The following LRRTM3 variants were observed in gnomAD, a reference collection of about 807,000 sequenced individuals.
LRRTM3 encodes the protein leucine-rich repeat transmembrane neuronal protein 3.
LRRTM3 carries 24 observed loss-of-function variants against 44.7 expected under a neutral mutation model. The observed-to-expected ratio is 0.54, with a 90% CI of 0.39 to 0.76. The LOEUF (loss-of-function observed/expected upper bound fraction) is 0.76, where lower values mean the gene tolerates loss of function less well. Among genes scored for constraint, LRRTM3 ranks in the 30% least tolerant of loss-of-function variants. The pLI is 0.00. For synonymous variants in LRRTM3, 277 were observed against 278.7 expected (o/e 0.99, Z 0.06); for missense variants, 587 against 702.2 (o/e 0.84, Z 1.85).
At chr10:67,003,420 T>C (rs946816933) in intron 2 of LRRTM3, among the ~76,000 whole-genome samples, 4 of 152,244 alleles carry the variant, frequency 2.6e-5, no homozygotes, top group South Asian at 4.2e-4. Flanking sequence ...TCCAAGTATT[T>C]CAGTCTTAGG....
chr10:67,054,053 C>A (rs931127419), intron 2 of LRRTM3, among the ~76,000 whole-genome samples: 4 of 152,106 alleles, frequency 2.6e-5, no homozygotes, highest in African/African-American at 9.7e-5. Context: ...TCCATCTTTG[C>A]AGATTACAGA....
At chr10:66,926,888 G>C in intron 1 of LRRTM3, 33 bp from the exon 2 acceptor site, 1 of 1,520,562 alleles carries the variant, frequency 6.6e-7, no homozygotes, top group Non-Finnish European at 8.8e-7. Context: ...CTTTTTTGGG[G>C]GGATAACTTT....
intron 2 of LRRTM3, among the ~76,000 whole-genome samples, chr10:66,961,607 A>G (rs987922994): frequency 6.6e-6 from 1 of 152,070 alleles, no homozygotes; most frequent in Non-Finnish European, 1.5e-5. Context: ...TAGTGATTTC[A>G]TCAATACTAC....
chr10:66,994,829 T>C (rs766642487), intron 2 of LRRTM3, among the ~76,000 whole-genome samples: 1 of 152,190 alleles, frequency 6.6e-6, no homozygotes, highest in Admixed American at 6.5e-5. Context: ...TTTGAGAATT[T>C]CTATACATTG....
At chr10:66,930,713 C>T (rs990446906) in intron 2 of LRRTM3, among the ~76,000 whole-genome samples, 5 of 152,072 alleles carry the variant, frequency 3.3e-5, no homozygotes, top group African/African-American at 9.7e-5. Flanking sequence ...TTCAAAGCTA[C>T]TTGGAATATA....
chr10:66,935,707 A>G (rs574454890), intron 2 of LRRTM3, among the ~76,000 whole-genome samples: 10 of 152,090 alleles, frequency 6.6e-5, no homozygotes, highest in African/African-American at 1.7e-4. Context: ...TTGAGTCCTT[A>G]TTATGTACCA....
chr10:67,037,292 C>T (rs191179480), intron 2 of LRRTM3, among the ~76,000 whole-genome samples: 20 of 151,548 alleles, frequency 1.3e-4, no homozygotes, highest in African/African-American at 4.4e-4. Flanking sequence ...GCCATCCTTT[C>T]TCTTCTTTCA....
At chr10:66,980,975 C>T (rs1033485194) in intron 2 of LRRTM3, among the ~76,000 whole-genome samples, 3 of 152,006 alleles carry the variant, frequency 2.0e-5, no homozygotes, top group East Asian at 3.9e-4. Flanking sequence ...GGTGTGATTT[C>T]GGCTCACCCC....
chr10:66,943,077 GGCT>G (rs1189764240), intron 2 of LRRTM3, among the ~76,000 whole-genome samples: 2 of 152,152 alleles, frequency 1.3e-5, no homozygotes, highest in Non-Finnish European at 2.9e-5. Context: ...TTAATTGACT[GGCT>G]TTGGAAATTT....
intron 2 of LRRTM3, among the ~76,000 whole-genome samples, chr10:67,017,353 G>C: frequency 6.6e-6 from 1 of 152,322 alleles, no homozygotes; most frequent in Middle Eastern, 3.4e-3. Flanking sequence ...GAGAAAGGCT[G>C]TTTCTGATTA....
intron 2 of LRRTM3, among the ~76,000 whole-genome samples, chr10:67,001,518 G>T (rs1851692386): frequency 6.6e-6 from 1 of 151,444 alleles, no homozygotes; most frequent in African/African-American, 2.4e-5. Flanking sequence ...GAGGAATATA[G>T]AATTTTTCAC....
intron 2 of LRRTM3, among the ~76,000 whole-genome samples, chr10:67,000,024 G>GT (rs1186862085): frequency 1.3e-5 from 2 of 152,110 alleles, no homozygotes; most frequent in African/African-American, 4.8e-5. Context: ...TGGGATAGCT[G>GT]TTTTTCACAA....
chr10:67,085,807 G>T (rs1857278557), intron 2 of LRRTM3, among the ~76,000 whole-genome samples: 1 of 151,928 alleles, frequency 6.6e-6, no homozygotes, highest in South Asian at 2.1e-4. Flanking sequence ...CAAACCCTGA[G>T]AAGTCTTTAT....
chr10:66,982,885 G>A (rs1285077251), intron 2 of LRRTM3, among the ~76,000 whole-genome samples: 2 of 152,108 alleles, frequency 1.3e-5, no homozygotes, highest in South Asian at 2.1e-4. Context: ...AGGAAGAAGG[G>A]GAGAAGCATA....
chr10:66,967,603 G>A (rs1223963947), intron 2 of LRRTM3, among the ~76,000 whole-genome samples: 1 of 151,916 alleles, frequency 6.6e-6, no homozygotes, highest in Non-Finnish European at 1.5e-5. Context: ...GCGGGACTAT[G>A]TAAAACAGTC....
At chr10:67,017,049 A>T (rs1852703011) in intron 2 of LRRTM3, among the ~76,000 whole-genome samples, 1 of 152,210 alleles carries the variant, frequency 6.6e-6, no homozygotes, top group Non-Finnish European at 1.5e-5. Context: ...ACAAAAATTA[A>T]TGAGCCAAGA....
intron 2 of LRRTM3, among the ~76,000 whole-genome samples, chr10:67,073,788 G>C (rs1856590734): frequency 1.3e-5 from 2 of 152,098 alleles, no homozygotes; most frequent in African/African-American, 4.8e-5. Flanking sequence ...CATGAAAAAT[G>C]CTAAGCATAA....
intron 2 of LRRTM3, among the ~76,000 whole-genome samples, chr10:67,056,828 T>C (rs553740738): frequency 6.6e-6 from 1 of 152,314 alleles, no homozygotes; most frequent in East Asian, 1.9e-4. Context: ...TGTCATTTAC[T>C]TGTATAACCT....
intron 2 of LRRTM3, among the ~76,000 whole-genome samples, chr10:66,953,835 G>A (rs1848660573): frequency 6.6e-6 from 1 of 151,926 alleles, no homozygotes; most frequent in Non-Finnish European, 1.5e-5. Flanking sequence ...TAGAGACACT[G>A]GTCAGTTCAA....
Sources: allele counts gnomAD v4.1 joint callset (sites outside exome capture counted in the v4.1 genomes callset), GRCh38; gene constraint gnomAD v4.1.1; transcripts MANE v1.5; gene names NCBI Gene and HGNC (gene_info 2026-07-23, HGNC 2026-07-21).